Variants in SIPA1L3 observed in about 807,000 individuals in gnomAD.
SIPA1L3 encodes the protein signal induced proliferation associated 1 like 3.
Under a neutral mutation model 150.1 loss-of-function variants are expected in SIPA1L3, and 59 were observed. The observed-to-expected ratio is 0.39, with a 90% confidence interval of 0.32 to 0.49. The LOEUF (loss-of-function observed/expected upper bound fraction) is 0.49, where lower values mean the gene tolerates loss of function less well. Ranked by LOEUF, SIPA1L3 falls within the 20% of genes least tolerant of loss-of-function variation. The pLI is 0.86. For missense variants in SIPA1L3, 2,211 were observed against 2,489.5 expected (o/e 0.89, Z 2.38); for synonymous variants, 1,070 against 1,077.6 (o/e 0.99, Z 0.14).
chr19:38,050,291 A>G (rs1251415601), intron 2 of SIPA1L3, among the ~76,000 whole-genome samples: 2 of 152,064 alleles, frequency 1.3e-5, no homozygotes, highest in African/African-American at 2.4e-5. Flanking sequence ...CCCCGTCTCC[A>G]CTAAAAATGC....
intron 1 of SIPA1L3, among the ~76,000 whole-genome samples, chr19:37,917,395 C>G (rs1159769245): frequency 6.6e-6 from 1 of 152,168 alleles, no homozygotes; most frequent in East Asian, 1.9e-4. Context: ...TTATCACAAG[C>G]AGTTATAGCT....
intron 16 of SIPA1L3, 170 bp downstream of exon 16, chr19:38,182,910 G>C: frequency 1.7e-6 from 1 of 578,932 alleles, no homozygotes; most frequent in Non-Finnish European, 3.0e-6. Context: ...AACCCCTCTT[G>C]GGGAGCTGGC....
chr19:38,165,009 G>A lies in SIPA1L3; in HGVS notation c.4208+103G>A, dbSNP rs562958191. On this transcript the variant is annotated intron_variant, in intron 15 of 21. Coordinates refer to ENST00000222345, the MANE Select transcript of SIPA1L3 (RefSeq NM_015073.3). The stretch of plus-strand genomic sequence containing the variant: ...TTCTCCTCCCCAGAAACACACTCAC[G>A]GATGAATGCGCCTAGTCATTGGTTT... 44 of 1,047,460 alleles carry A rather than the reference G, an allele frequency of 4.2e-5. 2 individuals carry two copies. The South Asian group carries it at 5.2e-4, about 12-fold the overall frequency. 64.9% of individuals were successfully genotyped at this position (1,047,460 alleles called of 1,614,324 possible).
intron 4 of SIPA1L3, among the ~76,000 whole-genome samples, chr19:38,093,677 C>T (rs952009027): frequency 4.6e-5 from 7 of 152,246 alleles, no homozygotes; most frequent in Admixed American, 6.5e-5. Flanking sequence ...GGGGCCAGAG[C>T]GAGAGGTCTG....
rs761402322 is a variant in SIPA1L3 at position 38,081,595 on chromosome 19, T to C, written c.30T>C (p.Asp10=). 3 of 1,596,290 alleles carry C rather than the reference T, an allele frequency of 1.9e-6. No individual in the cohort carries two copies. The African/African-American group carries it at 4.0e-5, about 21-fold the overall frequency. ...CCACCTATCGGGCCATCCCCAGCGA[T>C]GGTGTGGACCTGGCAGCCAGCTGTG... The part of the protein sequence containing the change: MTTYRAIPS[D]GVDLAASCGA... The change falls in exon 3 of 22, where the codon GAT becomes GAC. Residue 10 remains aspartate (D), a synonymous_variant. Coordinates refer to ENST00000222345, the MANE Select transcript of SIPA1L3 (RefSeq NM_015073.3).
intron 1 of SIPA1L3, among the ~76,000 whole-genome samples, chr19:37,933,007 C>T (rs891399853): frequency 6.7e-6 from 1 of 148,582 alleles, no homozygotes; most frequent in Non-Finnish European, 1.5e-5. Flanking sequence ...TCTGTGGTCT[C>T]GCCTGAGTCC....
intron 10 of SIPA1L3, among the ~76,000 whole-genome samples, chr19:38,132,101 A>G (rs2145921492): frequency 6.6e-6 from 1 of 151,990 alleles, no homozygotes; most frequent in Middle Eastern, 3.4e-3. Context: ...AAGGAGAAAA[A>G]AAAAACAGTG....
chr19:38,185,575 C>T (rs1480780236), intron 16 of SIPA1L3: 1 of 152,094 alleles, frequency 6.6e-6, no homozygotes, highest in Admixed American at 6.6e-5. Context: ...GTTGCGGAGG[C>T]CAGAAGTCCA....
chr19:38,112,184 TACATGCACTCAC>T (rs943845196), intron 8 of SIPA1L3, among the ~76,000 whole-genome samples: 1 of 149,420 alleles, frequency 6.7e-6, no homozygotes, highest in Non-Finnish European at 1.5e-5. Flanking sequence ...TGCACACACA[TACATGCACTCAC>T]ACAGGCACGC....
intron 1 of SIPA1L3, among the ~76,000 whole-genome samples, chr19:37,977,706 C>T (rs990640677): frequency 6.6e-6 from 1 of 152,158 alleles, no homozygotes; most frequent in Non-Finnish European, 1.5e-5. Flanking sequence ...CGCCCGTGTC[C>T]TCCATGCTCA....
At chr19:38,038,449 G>T (rs1436195494) in intron 2 of SIPA1L3, among the ~76,000 whole-genome samples, 2 of 152,064 alleles carry the variant, frequency 1.3e-5, no homozygotes, top group African/African-American at 4.8e-5. Flanking sequence ...AATTAGCCAG[G>T]CATGGTGGTG....
At chr19:37,984,822 T>C (rs1967303416) in intron 1 of SIPA1L3, among the ~76,000 whole-genome samples, 5 of 152,224 alleles carry the variant, frequency 3.3e-5, no homozygotes, top group African/African-American at 1.2e-4. Flanking sequence ...GGCAACTCTG[T>C]AGCAAACTAG....
intron 8 of SIPA1L3, among the ~76,000 whole-genome samples, chr19:38,111,247 G>C (rs926934447): frequency 6.6e-6 from 1 of 151,894 alleles, no homozygotes; most frequent in African/African-American, 2.4e-5. Context: ...ACCCAGGCTG[G>C]TCTTGAACTC....
intron 1 of SIPA1L3, among the ~76,000 whole-genome samples, chr19:37,976,819 G>GC (rs1967088598): frequency 6.6e-6 from 1 of 152,124 alleles, no homozygotes; most frequent in Non-Finnish European, 1.5e-5. Context: ...TTTTTATTAA[G>GC]TGCTGTGGTT....
chr19:38,018,309 G>A (rs913800276), intron 1 of SIPA1L3, among the ~76,000 whole-genome samples: 6 of 151,580 alleles, frequency 4.0e-5, no homozygotes, highest in African/African-American at 9.7e-5. Flanking sequence ...GATCACAAGC[G>A]CGCACCATCA....
chr19:38,201,894 G>A lies in SIPA1L3; in HGVS notation c.5017G>A (p.Asp1673Asn), dbSNP rs200121927. Residue 1673 changes from aspartate to asparagine, a missense_variant, in exon 20 of 22, where the codon GAC becomes AAC. Physicochemically the swap from Asp to Asn is conservative, Grantham distance 23 (BLOSUM62 1). Around this residue, in one of 5 missense-constraint regions of SIPA1L3, gnomAD observed 806 missense variants for 870.1 expected, o/e 0.93. Coordinates refer to ENST00000222345, the MANE Select transcript of SIPA1L3 (RefSeq NM_015073.3). ...QRAVSLFSLN[D>N]PALSPDIPPA... is the part of the protein sequence containing the mutation. ...AGCCGTCTCACTCTTCTCTCTGAAC[G>A]ACCCGGCCCTGAGCCCGGACATCCC... is the stretch of plus-strand genomic sequence containing the variant. The A allele has an allele frequency of 1.9e-5, 30 of 1,613,080 alleles. No individual in the cohort carries two copies. The highest frequency in any genetic ancestry group is 3.3e-5 in the South Asian group (3 of 90,976).
intron 3 of SIPA1L3, among the ~76,000 whole-genome samples, chr19:38,088,306 A>T (rs1970184489): frequency 6.6e-6 from 1 of 152,272 alleles, no homozygotes; most frequent in Admixed American, 6.5e-5. Flanking sequence ...ACAGTTTCAC[A>T]AGGGCTAATC....
intron 1 of SIPA1L3, among the ~76,000 whole-genome samples, chr19:37,949,756 A>G (rs1406769846): frequency 6.6e-6 from 1 of 151,994 alleles, no homozygotes; most frequent in East Asian, 1.9e-4. Context: ...CTTTTCTCAT[A>G]TGAAGCAACA....
chr19:38,130,708 C>T lies in SIPA1L3; in HGVS notation c.3079C>T (p.Leu1027=), dbSNP rs1214341076. The part of the protein sequence containing the change: ...TLTHDQMIDL[L]RTSVTVKVVI... ...GACCCACGACCAGATGATCGACCTG[C>T]TGCGCACCTCTGTCACTGTGAAGGT... The change falls in exon 10 of 22, where the codon CTG becomes TTG. Residue 1027 remains leucine, a synonymous_variant. Transcript: ENST00000222345. 6.2e-7 allele frequency: 1 copy of T among 1,614,018 alleles called. No individual in the cohort carries two copies. Among genetic ancestry groups the T allele is most frequent in the Admixed American group, 1.7e-5 (1 of 60,030 alleles).
Sources: allele counts gnomAD v4.1 joint callset (sites outside exome capture counted in the v4.1 genomes callset), GRCh38; gene constraint gnomAD v4.1.1; regional missense constraint gnomAD v4.1.1; transcripts MANE v1.5; gene names NCBI Gene and HGNC (gene_info 2026-07-23, HGNC 2026-07-21).